RNF17: variants seen among roughly 807,000 people sequenced by gnomAD.
The protein encoded by RNF17 is spermatogenesis associated 23.
In RNF17, 31 loss-of-function variants were observed where a neutral mutation model predicts 200.5. That is an observed-to-expected ratio of 0.15 (90% confidence interval 0.12 to 0.21). The LOEUF (loss-of-function observed/expected upper bound fraction) is 0.21, where lower values mean the gene tolerates loss of function less well. Among genes scored for constraint, RNF17 ranks in the 10% least tolerant of loss-of-function variants. The pLI is 1.00. For missense variants in RNF17, 1,628 were observed against 1,905.1 expected, an observed-to-expected ratio of 0.85 and a Z score of 2.71; for synonymous variants, 606 against 637.8, an observed-to-expected ratio of 0.95 and a Z score of 0.75.
chr13:24,872,258 C>T (rs998567379), intron 32 of RNF17, among the ~76,000 whole-genome samples: 3 of 152,098 alleles, frequency 2.0e-5, no homozygotes, highest in Non-Finnish European at 4.4e-5. Flanking sequence ...CCGTGCCTAG[C>T]CCTGATGAGT....
At chr13:24,756,180 C>T in the RNF17 span, among the ~76,000 whole-genome samples, 1 of 151,946 alleles carries the variant, frequency 6.6e-6, no homozygotes, top group Non-Finnish European at 1.5e-5. Flanking sequence ...ATCTTTTTTA[C>T]TTTTTATAAA....
chr13:24,772,074 C>A (rs1880815844), intron 2 of RNF17, among the ~76,000 whole-genome samples: 1 of 152,090 alleles, frequency 6.6e-6, no homozygotes, highest in African/African-American at 2.4e-5. Flanking sequence ...TGCAGGTATA[C>A]CTTTATTCTT....
chr13:24,789,195 C>T (rs890926758), intron 7 of RNF17, among the ~76,000 whole-genome samples, 153 bp from the exon 8 acceptor site: 3 of 152,064 alleles, frequency 2.0e-5, no homozygotes, highest in Non-Finnish European at 2.9e-5. Flanking sequence ...AAGTCATAAA[C>T]ACTTATTTGT....
chr13:24,824,202 G>A (rs1241684177), intron 15 of RNF17: 2 of 713,952 alleles, frequency 2.8e-6, no homozygotes, highest in Non-Finnish European at 5.2e-6. Context: ...GTAGAGATCT[G>A]ATCTAATAAA....
intron 25 of RNF17, among the ~76,000 whole-genome samples, chr13:24,856,507 G>GT (rs1379071772): frequency 6.6e-6 from 1 of 150,590 alleles, no homozygotes; most frequent in Non-Finnish European, 1.5e-5. Context: ...TTATAGTTTT[G>GT]TTTTTTACAT....
At chr13:24,768,875 T>A (rs945354330) in intron 2 of RNF17, among the ~76,000 whole-genome samples, 1 of 152,072 alleles carries the variant, frequency 6.6e-6, no homozygotes, top group Non-Finnish European at 1.5e-5. Context: ...GCCTTGCAAG[T>A]TAAATATGGT....
intron 14 of RNF17, among the ~76,000 whole-genome samples, chr13:24,803,394 G>A (rs1566154957): frequency 6.6e-6 from 1 of 152,104 alleles, no homozygotes; most frequent in South Asian, 2.1e-4. Context: ...GCCTCCCCAG[G>A]TTCTGGTGAT....
chr13:24,792,356 G>A (rs1593262597), intron 9 of RNF17, among the ~76,000 whole-genome samples: 1 of 152,004 alleles, frequency 6.6e-6, no homozygotes, highest in Non-Finnish European at 1.5e-5. Context: ...TATTCAAACA[G>A]GTCAAGGACA....
chr13:24,802,254 C>T (rs1172028895), intron 13 of RNF17, 127 bp from the exon 14 acceptor site: 3 of 768,320 alleles, frequency 3.9e-6, no homozygotes, highest in Admixed American at 6.4e-5. Context: ...TGGCTGTTTC[C>T]TAATGTCTGC....
In RNF17 at chr13:24,771,876, T is replaced by C. The variant is rs531689204; in HGVS notation, c.226-2937T>C. The stretch of plus-strand genomic sequence containing the variant: ...CAAATTAGCCAGGCATGGTGGCGCA[T>C]GCCTGTAATCCCAGATACTCGGGAG... On this transcript the variant is annotated intron_variant, in intron 2 of 35. Coordinates refer to ENST00000255324, the MANE Select transcript of RNF17 (RefSeq NM_031277.3). 6.6e-5 allele frequency among the ~76,000 whole-genome samples: 10 copies of C among 152,128 alleles called. No individual in the cohort carries two copies. In the East Asian group the frequency reaches 1.9e-3, roughly 29 times the overall value.
chr13:24,789,645 A>G, intron 8 of RNF17, 53 bp from the exon 9 acceptor site: 1 of 1,193,516 alleles, frequency 8.4e-7, no homozygotes, highest in Admixed American at 1.8e-5. Context: ...TGTCTAGAGA[A>G]CATGATACAT....
intron 12 of RNF17, 88 bp from the exon 13 acceptor site, chr13:24,800,278 A>C: frequency 1.1e-6 from 1 of 875,980 alleles, no homozygotes; most frequent in African/African-American, 1.7e-5. Flanking sequence ...AAGAAAAATT[A>C]TACTTAGAAA....
At chr13:24,861,439 T>C (rs747842122) in intron 27 of RNF17, 52 bp downstream of exon 27, 1 of 1,211,238 alleles carries the variant, frequency 8.3e-7, no homozygotes, top group South Asian at 1.8e-5. Context: ...TAGTTTTTAT[T>C]AATAATTTTT....
At chr13:24,758,262 A>G in the RNF17 span, among the ~76,000 whole-genome samples, 10 of 152,144 alleles carry the variant, frequency 6.6e-5, no homozygotes, top group African/African-American at 2.4e-4. Context: ...TCTGCCCTTT[A>G]TTCTTTATTG....
At chr13:24,797,531 C>T (rs60342939) in intron 11 of RNF17, among the ~76,000 whole-genome samples, 16,030 of 152,046 alleles carry the variant, frequency 0.11, 1,068 homozygotes, top group Admixed American at 0.14. Context: ...AAAATCAATT[C>T]CTGGTTTGGG....
chr13:24,767,459 T>G (rs964466362), intron 2 of RNF17, 93 bp downstream of exon 2: 35 of 931,770 alleles, frequency 3.8e-5, no homozygotes, highest in Middle Eastern at 2.4e-4. Context: ...AGTTAGAAAC[T>G]AAAAAGTTGG....
intron 13 of RNF17, among the ~76,000 whole-genome samples, chr13:24,801,544 G>C (rs1825593705): frequency 6.6e-6 from 1 of 152,110 alleles, no homozygotes; most frequent in African/African-American, 2.4e-5. Flanking sequence ...GATCTCTTGA[G>C]CTTGGGAGGC....
intron 15 of RNF17, among the ~76,000 whole-genome samples, chr13:24,805,395 C>T (rs528601726): frequency 2.0e-5 from 3 of 152,218 alleles, no homozygotes; most frequent in African/African-American, 7.2e-5. Flanking sequence ...TTCTGTTCTA[C>T]TTTCTGTCTC....
intron 29 of RNF17, 48 bp from the exon 30 acceptor site, chr13:24,866,096 A>G (rs1203661704): frequency 9.6e-7 from 1 of 1,043,374 alleles, no homozygotes; most frequent in Admixed American, 2.0e-5. Flanking sequence ...AAAGTACCTT[A>G]AAACAATATA....
Sources: allele counts gnomAD v4.1 joint callset (sites outside exome capture counted in the v4.1 genomes callset), GRCh38; gene constraint gnomAD v4.1.1; transcripts MANE v1.5; gene names NCBI Gene and HGNC (gene_info 2026-07-23, HGNC 2026-07-21).